USP13: variants seen among roughly 807,000 people sequenced by gnomAD.
The protein encoded by USP13 is ubiquitin carboxyl-terminal hydrolase 13.
Under a neutral mutation model 107.8 loss-of-function variants are expected in USP13, and 68 were observed. That is an observed-to-expected ratio of 0.63 (90% CI 0.52 to 0.77). USP13 has a LOEUF of 0.77. USP13 is among the 30% of genes least tolerant of loss of function. The probability of loss-of-function intolerance (pLI) is 0.00; values close to 1 mark genes in which losing one functional copy is unlikely to be tolerated. For missense variants in USP13, 945 were observed against 1,093.3 expected (o/e 0.86, Z 1.91); for synonymous variants, 377 against 389.5 (o/e 0.97, Z 0.38).
At chr3:179,722,050 A>G (rs1421236276) in intron 8 of USP13, among the ~76,000 whole-genome samples, 2 of 140,810 alleles carry the variant, frequency 1.4e-5, no homozygotes, top group African/African-American at 2.7e-5. Context: ...TGGGTAACAG[A>G]GCGAGAATCT....
chr3:179,712,545 C>G (rs2108486726), intron 6 of USP13, among the ~76,000 whole-genome samples: 1 of 151,950 alleles, frequency 6.6e-6, no homozygotes, highest in African/African-American at 2.4e-5. Flanking sequence ...AAGTTTTATT[C>G]CTTATTTTTC....
intron 11 of USP13, among the ~76,000 whole-genome samples, chr3:179,741,084 T>TC (rs1714179783): frequency 6.7e-6 from 1 of 148,626 alleles, no homozygotes; most frequent in Admixed American, 6.7e-5. Flanking sequence ...AGTAAAGCCT[T>TC]TTTTTTTTTT....
intron 1 of USP13, among the ~76,000 whole-genome samples, chr3:179,677,493 T>C (rs953907134): frequency 3.3e-5 from 5 of 151,970 alleles, no homozygotes; most frequent in African/African-American, 9.7e-5. Flanking sequence ...GGCAGGAGAA[T>C]CACTTGAACC....
intron 20 of USP13, among the ~76,000 whole-genome samples, chr3:179,782,140 G>A (rs1715770847): frequency 6.6e-6 from 1 of 152,136 alleles, no homozygotes; most frequent in South Asian, 2.1e-4. Flanking sequence ...CCCTAGGATT[G>A]CCATATTTAG....
chr3:179,735,552 C>T (rs1163670479), intron 10 of USP13, among the ~76,000 whole-genome samples: 7 of 151,954 alleles, frequency 4.6e-5, no homozygotes, highest in African/African-American at 1.7e-4. Context: ...ACCAGTTTCC[C>T]TAAACTCTTC....
intron 12 of USP13, among the ~76,000 whole-genome samples, chr3:179,743,367 GTT>G (rs1312936317): frequency 6.7e-6 from 1 of 148,580 alleles, no homozygotes; most frequent in Non-Finnish European, 1.5e-5. Context: ...GTATCCTGGA[GTT>G]TTTTTGTTTT....
intron 10 of USP13, among the ~76,000 whole-genome samples, chr3:179,738,045 T>TG: frequency 6.6e-6 from 1 of 152,210 alleles, no homozygotes; most frequent in East Asian, 1.9e-4. Flanking sequence ...CATCAGCTGT[T>TG]GCATATGACT....
chr3:179,710,240 A>T (rs1057336142), intron 6 of USP13, among the ~76,000 whole-genome samples: 1 of 152,226 alleles, frequency 6.6e-6, no homozygotes, highest in Non-Finnish European at 1.5e-5. Flanking sequence ...ATTCAGGGTT[A>T]CAGCGCGGTG....
intron 19 of USP13, among the ~76,000 whole-genome samples, chr3:179,779,781 G>A (rs1241175330): frequency 6.6e-6 from 1 of 151,992 alleles, no homozygotes; most frequent in Non-Finnish European, 1.5e-5. Flanking sequence ...GGCAGCTATG[G>A]TGAGAATAGT....
intron 13 of USP13, among the ~76,000 whole-genome samples, chr3:179,749,501 T>C (rs534346379): frequency 6.6e-6 from 1 of 152,338 alleles, no homozygotes; most frequent in South Asian, 2.1e-4. Context: ...TAGATTTAAC[T>C]AACTTGATGT....
chr3:179,707,221 T>C, intron 5 of USP13, 145 bp downstream of exon 5: 1 of 1,168,582 alleles, frequency 8.6e-7, no homozygotes, highest in Non-Finnish European at 1.2e-6. Flanking sequence ...TTCTCTAAAA[T>C]TGTCTGTAGC....
At chr3:179,668,238 G>A (rs530553347) in intron 1 of USP13, among the ~76,000 whole-genome samples, 1 of 151,840 alleles carries the variant, frequency 6.6e-6, no homozygotes, top group African/African-American at 2.4e-5. Context: ...GGGCTCAAGT[G>A]GTCCTCCCGC....
chr3:179,771,458 G>A (rs1021574435), intron 19 of USP13, among the ~76,000 whole-genome samples: 2 of 152,214 alleles, frequency 1.3e-5, no homozygotes, highest in Non-Finnish European at 2.9e-5. Context: ...ACTGGTTCAA[G>A]TGTGGTTCGG....
intron 8 of USP13, among the ~76,000 whole-genome samples, chr3:179,724,939 G>T (rs930778743): frequency 6.6e-6 from 1 of 152,110 alleles, no homozygotes; most frequent in Non-Finnish European, 1.5e-5. Context: ...TTTATTTTTG[G>T]CTGGGCATGG....
At chr3:179,769,085 A>T (rs981566947) in intron 19 of USP13, among the ~76,000 whole-genome samples, 1 of 152,224 alleles carries the variant, frequency 6.6e-6, no homozygotes, top group Non-Finnish European at 1.5e-5. Flanking sequence ...AAAAATGAAT[A>T]TAAATCTAAG....
chr3:179,710,531 A>C (rs892191429), intron 6 of USP13, among the ~76,000 whole-genome samples: 3 of 152,238 alleles, frequency 2.0e-5, no homozygotes, highest in Admixed American at 2.0e-4. Context: ...GGATGAAAGC[A>C]AGTCTATGTC....
chr3:179,720,615 C>G (rs1713276590), intron 7 of USP13, among the ~76,000 whole-genome samples: 1 of 152,124 alleles, frequency 6.6e-6, no homozygotes. Context: ...TTCCTATTCT[C>G]TTTGTCTCCT....
intron 15 of USP13, 93 bp downstream of exon 15, chr3:179,754,947 C>G (rs1714737672): frequency 6.9e-7 from 1 of 1,459,380 alleles, no homozygotes; most frequent in African/African-American, 1.4e-5. Context: ...CTGCTACCAC[C>G]ACCACCCATT....
At position 179,748,315 on chromosome 3, in the gene USP13, C is replaced by T. The variant is rs527635918; in HGVS notation, c.1709+3098C>T. 3.9e-5 allele frequency among the ~76,000 whole-genome samples: 6 copies of T among 152,266 alleles called. No individual in the cohort carries two copies. In the South Asian group the frequency reaches 1.2e-3, roughly 32 times the overall value. ...ACATTTTTGTAGAGCCTTGCTTTTT[C>T]TGTATTATGCTTTATCATGTTTCAA... is the stretch of plus-strand genomic sequence containing the variant. On this transcript the variant is annotated intron_variant, in intron 13 of 20. Transcript: ENST00000263966.
Sources: allele counts gnomAD v4.1 joint callset (sites outside exome capture counted in the v4.1 genomes callset), GRCh38; gene constraint gnomAD v4.1.1; transcripts MANE v1.5; gene names NCBI Gene and HGNC (gene_info 2026-07-23, HGNC 2026-07-21).